PTPRF: variants seen among roughly 807,000 people sequenced by gnomAD.
PTPRF encodes protein tyrosine phosphatase receptor type F.
Under a neutral mutation model 201.8 loss-of-function variants are expected in PTPRF, and 59 were observed. The observed-to-expected ratio is 0.29, with a 90% CI of 0.24 to 0.36. PTPRF has a LOEUF of 0.36. Ranked by LOEUF, PTPRF falls within the 10% of genes least tolerant of loss-of-function variation. The pLI is 1.00. For synonymous variants in PTPRF, 1,088 were observed against 1,089.7 expected (o/e 1.00, Z 0.03); for missense variants, 2,132 against 2,690.5 (o/e 0.79, Z 4.59).
At position 43,591,927 on chromosome 1, in the gene PTPRF, G is replaced by A. The variant is rs370698404; in HGVS notation, c.1647G>A (p.Ala549=). The A allele has an allele frequency of 7.0e-5, 113 of 1,613,558 alleles. No individual in the cohort carries two copies. Among genetic ancestry groups the A allele is most frequent in the Middle Eastern group, 3.3e-4 (2 of 6,082 alleles). ...TCATGTATGAACTGGTGTACTGGGCGGCAGAGGACGAAGACCAACAGGTGT... is the reference window on the plus strand; with the variant it reads ...TCATGTATGAACTGGTGTACTGGGCAGCAGAGGACGAAGACCAACAGGTGT... ...RIIMYELVYW[A]AEDEDQQHKV... is the part of the protein sequence containing the mutation. The change falls in exon 10 of 34, where the codon GCG becomes GCA. Residue 549 remains alanine (A), a synonymous_variant. Transcript: ENST00000359947.
At chr1:43,534,008 G>A (rs1643866004) in intron 1 of PTPRF, among the ~76,000 whole-genome samples, 1 of 152,202 alleles carries the variant, frequency 6.6e-6, no homozygotes, top group African/African-American at 2.4e-5. Flanking sequence ...CATTGCAAGA[G>A]TTCATCAAGA....
intron 6 of PTPRF, among the ~76,000 whole-genome samples, chr1:43,572,332 C>T (rs1032962058): frequency 2.0e-5 from 3 of 152,224 alleles, no homozygotes; most frequent in African/African-American, 7.2e-5. Context: ...AATATCTGCT[C>T]TAATGTTCAC....
In PTPRF at chr1:43,621,143, C is replaced by T. The variant is rs770788821; in HGVS notation, c.5566C>T (p.Leu1856=). The T allele has an allele frequency of 7.4e-6, 12 of 1,614,006 alleles. No homozygotes were observed. Among genetic ancestry groups the T allele is most frequent in the Middle Eastern group, 1.6e-4 (1 of 6,082 alleles). The change falls in exon 33 of 34, where the codon CTG becomes TTG. Residue 1856 remains leucine, a synonymous_variant. Coordinates refer to ENST00000359947, the MANE Select transcript of PTPRF (RefSeq NM_002840.5). The part of the protein sequence containing the change: ...TGVFITLSIV[L]ERMRYEGVVD... ...GGTGTTCATCACTCTGAGCATCGTCCTGGAGCGCATGCGCTACGAGGGCGT... is the reference window on the plus strand; with the variant it reads ...GGTGTTCATCACTCTGAGCATCGTCTTGGAGCGCATGCGCTACGAGGGCGT...
At chr1:43,569,837 A>G (rs1646448687) in intron 6 of PTPRF, 59 bp downstream of exon 6, 1 of 1,519,172 alleles carries the variant, frequency 6.6e-7, no homozygotes, top group Non-Finnish European at 8.9e-7. Context: ...GTCTTGTCAG[A>G]TCCCAGCACA....
At position 43,605,018 on chromosome 1, in the gene PTPRF, C is replaced by A; in HGVS notation, c.3135+18C>A. On this transcript the variant is annotated intron_variant, in intron 17 of 33. Transcript: ENST00000359947. Reference sequence around the variant, plus strand: ...CCTTTAAGGTGAGTAAGGGCCACGGCCAGCTGAGCCTGGCACACACACAGG... The same window carrying A: ...CCTTTAAGGTGAGTAAGGGCCACGGACAGCTGAGCCTGGCACACACACAGG... The A allele has an allele frequency of 6.2e-7, 1 of 1,610,568 alleles. No individual in the cohort carries two copies. Among genetic ancestry groups the A allele is most frequent in the Non-Finnish European group, 8.5e-7 (1 of 1,177,308 alleles).
intron 3 of PTPRF, among the ~76,000 whole-genome samples, chr1:43,545,925 G>A (rs902826360): frequency 2.0e-5 from 3 of 152,130 alleles, no homozygotes; most frequent in African/African-American, 7.2e-5. Flanking sequence ...CCGCCCCATC[G>A]CCATGGTTAC....
chr1:43,573,725 C>T (rs780973061), intron 6 of PTPRF, among the ~76,000 whole-genome samples: 3 of 152,252 alleles, frequency 2.0e-5, no homozygotes, highest in Non-Finnish European at 2.9e-5. Flanking sequence ...CCCCCACACC[C>T]ATCTTGTGAA....
intron 23 of PTPRF, among the ~76,000 whole-genome samples, chr1:43,615,214 C>T (rs1015339003): frequency 3.3e-5 from 5 of 152,228 alleles, no homozygotes; most frequent in African/African-American, 7.2e-5. Context: ...GCACAGCAAC[C>T]GTGCTGCCTC....
At chr1:43,593,617 T>C (rs966490187) in intron 11 of PTPRF, among the ~76,000 whole-genome samples, 1 of 48,966 alleles carries the variant, frequency 2.0e-5, no homozygotes, top group African/African-American at 6.0e-5. Flanking sequence ...GTGGTCCTTA[T>C]GAAGTGGGTT....
chr1:43,564,838 T>C (rs1034691642), intron 5 of PTPRF, among the ~76,000 whole-genome samples: 2 of 152,154 alleles, frequency 1.3e-5, no homozygotes, highest in African/African-American at 4.8e-5. Context: ...CCCAGGACCC[T>C]GCAAGGCGTC....
chr1:43,590,837 A>G, intron 8 of PTPRF, 135 bp from the exon 9 acceptor site: 1 of 875,452 alleles, frequency 1.1e-6, no homozygotes, highest in East Asian at 2.4e-5. Flanking sequence ...TTTTCCAGCC[A>G]TTTTTCAAGG....
Position 43,546,306 on chromosome 1 carries a change from G to T in PTPRF, c.91+1140G>T, listed in dbSNP as rs915428424. ...CTAGAAGGGAAAGGAGAAGGGGCAG[G>T]CATTCCCAAGGGGTGGGGCAAAGGG... On this transcript the variant is annotated intron_variant, in intron 3 of 33. Transcript: ENST00000359947. The surrounding 1 kb of genome is among the most constrained non-coding windows in gnomAD (Gnocchi z 4.2). Among the ~76,000 whole-genome samples the T allele has an allele frequency of 1.3e-5, 2 of 152,164 alleles. No individual in the cohort carries two copies. Among genetic ancestry groups the T allele is most frequent in the Admixed American group, 1.3e-4 (2 of 15,290 alleles).
At chr1:43,600,194 G>A (rs1217498918) in intron 13 of PTPRF, among the ~76,000 whole-genome samples, 1 of 152,178 alleles carries the variant, frequency 6.6e-6, no homozygotes. Context: ...GGCTCCTTGT[G>A]GAGCCTCAGT....
At chr1:43,572,739 C>T (rs578193589) in intron 6 of PTPRF, among the ~76,000 whole-genome samples, 2 of 152,292 alleles carry the variant, frequency 1.3e-5, no homozygotes, top group Admixed American at 1.3e-4. Flanking sequence ...GCAGCTGATT[C>T]TCTTGCAGCC....
chr1:43,548,463 G>A (rs1329008472), intron 3 of PTPRF, among the ~76,000 whole-genome samples: 2 of 152,026 alleles, frequency 1.3e-5, no homozygotes, highest in Admixed American at 6.5e-5. Context: ...TCTCCCCCTC[G>A]TTCTATGGGT....
In PTPRF at chr1:43,591,242, G is replaced by A. The variant is rs373662568; in HGVS notation, c.1220G>A (p.Arg407His). The A allele has an allele frequency of 3.6e-5, 57 of 1,593,110 alleles. No individual in the cohort carries two copies. Among genetic ancestry groups the A allele is most frequent in the African/African-American group, 5.4e-5 (4 of 74,516 alleles). The stretch of plus-strand genomic sequence containing the variant: ...CCGCCCAGCGAGGCAGTGCGGGCAC[G>A]CACGGGAGAACAGGCGCCCTCCAGC... ...RGPPSEAVRA[R>H]TGEQAPSSPP... Residue 407 changes from arginine (R) to histidine (H), a missense_variant, in exon 9 of 34, where the codon CGC becomes CAC. By Grantham distance (29) the Arg-to-His change is conservative (BLOSUM62 0). Transcript: ENST00000359947.
At chr1:43,583,119 T>A in intron 7 of PTPRF, 1 of 984,556 alleles carries the variant, frequency 1.0e-6, no homozygotes, top group Non-Finnish European at 1.2e-6. Flanking sequence ...TTCTTATCCA[T>A]CTACAGTTCG....
intron 33 of PTPRF, 109 bp from the exon 34 acceptor site, chr1:43,621,826 C>G (rs1046185295): frequency 5.3e-6 from 6 of 1,139,044 alleles, no homozygotes; most frequent in African/African-American, 3.0e-5. Context: ...GGTCCAGCAC[C>G]TGCTCTTGGC....
intron 14 of PTPRF, among the ~76,000 whole-genome samples, chr1:43,602,462 G>T (rs1570539479): frequency 6.6e-6 from 1 of 152,196 alleles, no homozygotes; most frequent in Admixed American, 6.5e-5. Flanking sequence ...TGTCTGGAGA[G>T]TCGGATTCTG....
Sources: gnomAD v4.1 joint callset for allele counts (sites outside exome capture counted in the v4.1 genomes callset) on GRCh38, gnomAD v4.1.1 for gene constraint, Gnocchi (gnomAD v3.1) non-coding constraint, MANE v1.5 for transcripts, NCBI Gene and HGNC (gene_info 2026-07-23, HGNC 2026-07-21) for gene names.